PSMA3: variants seen among roughly 807,000 people sequenced by gnomAD.
PSMA3 encodes proteasome 20S subunit alpha 3.
A neutral mutation model predicts 40.0 loss-of-function variants in PSMA3; 8 were observed. The ratio of observed to expected loss-of-function variants is 0.20; its 90% confidence interval spans 0.12 to 0.36. The LOEUF (loss-of-function observed/expected upper bound fraction) is 0.36. Among genes scored for constraint, PSMA3 ranks in the 10% least tolerant of loss-of-function variants. PSMA3 has a pLI of 1.00. For missense variants in PSMA3, 219 were observed against 310.6 expected, an observed-to-expected ratio of 0.70 and a Z score of 2.22; for synonymous variants, 110 against 100.0, an observed-to-expected ratio of 1.10 and a Z score of -0.59.
At chr14:58,267,770 T>A in intron 8 of PSMA3, 1 of 503,166 alleles carries the variant, frequency 2.0e-6, no homozygotes, top group Non-Finnish European at 2.7e-6. Flanking sequence ...TAAGGACATA[T>A]ACCATTAGGG....
In PSMA3 at chr14:58,262,274, T is replaced by G. The variant is rs556949007; in HGVS notation, c.477+1254T>G. ...TCTCGCTCTGTCACCCAGACTGGAG[T>G]GCAGTGGCGCCAAACCTCCACCTCC... is the stretch of plus-strand genomic sequence containing the variant. On this transcript the variant is annotated intron_variant, in intron 6 of 10. Transcript: ENST00000216455. 9.2e-5 allele frequency among the ~76,000 whole-genome samples: 14 copies of G among 152,118 alleles called. 1 individual carries two copies. In the South Asian group the frequency reaches 2.7e-3, roughly 29 times the overall value.
At chr14:58,248,931 C>A (rs1237334579) in intron 2 of PSMA3, among the ~76,000 whole-genome samples, 1 of 152,128 alleles carries the variant, frequency 6.6e-6, no homozygotes, top group South Asian at 2.1e-4. Flanking sequence ...CCACTGCACT[C>A]CAGCCTAAGC....
rs752119013 is a variant in PSMA3, at chr14:58,260,935, T to C, written c.405-13T>C. The C allele has an allele frequency of 4.4e-6, 7 of 1,593,678 alleles. No individual in the cohort carries two copies. Among genetic ancestry groups the C allele is most frequent in the Non-Finnish European group, 6.0e-6 (7 of 1,165,086 alleles). On this transcript the variant is annotated splice_polypyrimidine_tract_variant and intron_variant, in intron 5 of 10. Coordinates refer to ENST00000216455, the MANE Select transcript of PSMA3 (RefSeq NM_002788.4). Reference sequence around the variant, plus strand: ...ATTGCCATGGTTTAAGCTGTTTGTATACTTTCATGCAGTTTCATGTTAGGG... The same window carrying C: ...ATTGCCATGGTTTAAGCTGTTTGTACACTTTCATGCAGTTTCATGTTAGGG...
chr14:58,270,382 G>A, intron 8 of PSMA3, 36 bp from the exon 9 acceptor site: 1 of 1,611,306 alleles, frequency 6.2e-7, no homozygotes, highest in South Asian at 1.1e-5. Context: ...ATGTTTGGAG[G>A]TTACCAAAAT....
chr14:58,251,107 AAAG>A (rs1305604022), intron 2 of PSMA3, among the ~76,000 whole-genome samples: 6 of 152,170 alleles, frequency 3.9e-5, no homozygotes, highest in African/African-American at 1.2e-4. Context: ...AAATTAAAAA[AAAG>A]AAGAAAGAGA....
At chr14:58,250,584 C>T (rs990713183) in intron 2 of PSMA3, among the ~76,000 whole-genome samples, 1 of 152,082 alleles carries the variant, frequency 6.6e-6, no homozygotes, top group Non-Finnish European at 1.5e-5. Flanking sequence ...CAAGGGGAGC[C>T]ATGGAAGACA....
At chr14:58,263,084 G>A (rs909764255) in intron 6 of PSMA3, among the ~76,000 whole-genome samples, 1 of 150,748 alleles carries the variant, frequency 6.6e-6, no homozygotes, top group Non-Finnish European at 1.5e-5. Context: ...CCAGATTCAA[G>A]CGATTCTCCT....
chr14:58,247,226 T>A (rs375492794), intron 1 of PSMA3, among the ~76,000 whole-genome samples: 4 of 152,218 alleles, frequency 2.6e-5, no homozygotes, highest in South Asian at 4.1e-4. Context: ...TTTACTCTTT[T>A]ATTTTCATCT....
At chr14:58,270,293 G>T in intron 8 of PSMA3, 125 bp from the exon 9 acceptor site, 1 of 1,333,546 alleles carries the variant, frequency 7.5e-7, no homozygotes, top group Non-Finnish European at 1.0e-6. Context: ...TGTAGAATGT[G>T]TCTGTGTAAT....
intron 1 of PSMA3, chr14:58,245,152 C>T: frequency 1.6e-6 from 1 of 608,838 alleles, no homozygotes; most frequent in South Asian, 2.0e-5. Flanking sequence ...AGCTTTTCAG[C>T]GCAGGTGTAG....
chr14:58,244,885 C>T lies in PSMA3; in HGVS notation c.-36C>T, dbSNP rs552836001. 1.9e-6 allele frequency: 3 copies of T among 1,614,046 alleles called. No homozygotes were observed. Among genetic ancestry groups the T allele is most frequent in the Admixed American group, 1.7e-5 (1 of 60,002 alleles). ...TGTGGTATAGGGGAAGCGCTCCGGG[C>T]CTGGAATCCCTACGCGTCCCTTTGG... On this transcript the variant is annotated 5_prime_UTR_variant, in exon 1 of 11. Coordinates refer to ENST00000216455, the MANE Select transcript of PSMA3 (RefSeq NM_002788.4).
At chr14:58,255,915 G>GC (rs1890133296) in intron 3 of PSMA3, among the ~76,000 whole-genome samples, 3 of 152,226 alleles carry the variant, frequency 2.0e-5, no homozygotes, top group Non-Finnish European at 4.4e-5. Context: ...CTGGAGTGTA[G>GC]TGGCGTGATC....
At chr14:58,258,399 C>T (rs1890197388) in intron 5 of PSMA3, 1 of 136,790 alleles carries the variant, frequency 7.3e-6, no homozygotes, top group Non-Finnish European at 1.5e-5. Flanking sequence ...GGCCATACCA[C>T]TGTACTCTAG....
chr14:58,263,774 A>AT lies in PSMA3; in HGVS notation c.543+5dup, dbSNP rs1566643043. On this transcript the variant is annotated splice_donor_region_variant and intron_variant, in intron 7 of 10. Transcript: ENST00000216455. ...GACGGAAATAGAGAAGCTTCAGGTA[A>AT]TAATTAATGCTTGAATTTTTACTAT... is the stretch of plus-strand genomic sequence containing the variant. The AT allele has an allele frequency of 6.2e-7, 1 of 1,613,116 alleles. No individual in the cohort carries two copies. The highest frequency in any genetic ancestry group is 2.2e-5 in the East Asian group (1 of 44,864).
chr14:58,267,573 A>G (rs1482532900), intron 8 of PSMA3, 53 bp downstream of exon 8: 11 of 1,523,440 alleles, frequency 7.2e-6, no homozygotes, highest in Non-Finnish European at 9.6e-6. Context: ...TGACCTTTGC[A>G]TATATATATT....
Position 58,271,939 on chromosome 14 carries a change from C to A in PSMA3, c.*44C>A. 1.5e-6 allele frequency: 2 copies of A among 1,372,800 alleles called. No homozygotes were observed. The highest frequency in any genetic ancestry group is 1.2e-5 in the South Asian group (1 of 84,458). 85.0% of individuals were successfully genotyped at this position (1,372,800 alleles called of 1,614,324 possible). The stretch of plus-strand genomic sequence containing the variant: ...TTGTATTTTAAATTTCTACTCCAGT[C>A]CAATGTAACTATTTAGCCCTGGATT... On this transcript the variant is annotated 3_prime_UTR_variant, in exon 11 of 11. Coordinates refer to ENST00000216455, the MANE Select transcript of PSMA3 (RefSeq NM_002788.4).
rs550003623 is a variant in PSMA3, at chr14:58,261,080, T to G, written c.477+60T>G. ...AGTTTAATGGTATTTCATTAGCATT[T>G]AAGTCTCATTATAAGATTATATGAA... On this transcript the variant is annotated intron_variant, in intron 6 of 10. Transcript: ENST00000216455. 22 of 1,129,216 alleles carry G rather than the reference T, an allele frequency of 1.9e-5. 1 individual carries two copies. In the Admixed American group the frequency reaches 3.1e-4, roughly 16 times the overall value. 69.9% of individuals were successfully genotyped at this position (1,129,216 alleles called of 1,614,324 possible).
rs1243821730 is a variant in PSMA3, at chr14:58,260,025, G to A, written c.405-923G>A. ...TCGGTAGAAAATGGAAGGAAATGACGGTAGGGATGGGAATTGAATAGTTAA... is the reference window on the plus strand; with the variant it reads ...TCGGTAGAAAATGGAAGGAAATGACAGTAGGGATGGGAATTGAATAGTTAA... On this transcript the variant is annotated intron_variant, in intron 5 of 10. Coordinates refer to ENST00000216455, the MANE Select transcript of PSMA3 (RefSeq NM_002788.4). Among the ~76,000 whole-genome samples, 3 of 152,262 alleles carry A rather than the reference G, an allele frequency of 2.0e-5. No homozygotes were observed. In the East Asian group the frequency reaches 5.8e-4, roughly 29 times the overall value.
rs1890179060 is a variant in PSMA3 at position 58,257,759 on chromosome 14, G to A, written c.243G>A (p.Leu81=). ...TTTTTTTTCAGGCAGTAGCAGGTTT[G>A]TTGGCAGATGCTCGTTCTTTAGCAG... ...DRHVGMAVAG[L]LADARSLADI... The change falls in exon 4 of 11, where the codon TTG becomes TTA. Residue 81 remains leucine (L), a synonymous_variant. Coordinates refer to ENST00000216455, the MANE Select transcript of PSMA3 (RefSeq NM_002788.4). The A allele has an allele frequency of 6.2e-7, 1 of 1,610,828 alleles. No individual in the cohort carries two copies. Among genetic ancestry groups the A allele is most frequent in the Non-Finnish European group, 8.5e-7 (1 of 1,177,596 alleles).
Sources: allele counts gnomAD v4.1 joint callset (sites outside exome capture counted in the v4.1 genomes callset), GRCh38; gene constraint gnomAD v4.1.1; transcripts MANE v1.5; gene names NCBI Gene and HGNC (gene_info 2026-07-23, HGNC 2026-07-21).